The following RIMBP2 variants were observed in gnomAD, a reference collection of about 807,000 sequenced individuals.
RIMBP2 encodes the protein RIMS binding protein 2, also known as RIMS-binding protein 2.
Under a neutral mutation model 118.6 loss-of-function variants are expected in RIMBP2, and 48 were observed. The ratio of observed to expected loss-of-function variants is 0.40; its 90% CI spans 0.32 to 0.51. RIMBP2 has a LOEUF of 0.51. Ranked by LOEUF, RIMBP2 falls within the 20% of genes least tolerant of loss-of-function variation. The pLI, the probability that RIMBP2 is intolerant of heterozygous loss-of-function variation, is 0.41. For synonymous variants in RIMBP2, 762 were observed against 742.9 expected (o/e 1.03, Z -0.42); for missense variants, 1,551 against 1,768.3 (o/e 0.88, Z 2.20).
chr12:130,636,044 G>C (rs1162012830), intron 1 of RIMBP2, among the ~76,000 whole-genome samples: 1 of 152,098 alleles, frequency 6.6e-6, no homozygotes, highest in African/African-American at 2.4e-5. Context: ...AAGCCCTCAA[G>C]GTTCATCTCT....
chr12:130,664,866 G>A (rs1009088401), intron 1 of RIMBP2, among the ~76,000 whole-genome samples: 2 of 151,806 alleles, frequency 1.3e-5, no homozygotes, highest in Admixed American at 1.3e-4. Context: ...AATAAAGGGG[G>A]GCGGGGCAGG....
intron 7 of RIMBP2, among the ~76,000 whole-genome samples, chr12:130,455,848 A>G (rs56969190): frequency 0.45 from 68,960 of 151,806 alleles, 15,946 homozygotes; most frequent in African/African-American, 0.47. Flanking sequence ...ACCTTCAGCC[A>G]GGACGTAGCA....
intron 1 of RIMBP2, among the ~76,000 whole-genome samples, chr12:130,676,810 A>G (rs1320223929): frequency 6.6e-6 from 1 of 152,108 alleles, no homozygotes; most frequent in African/African-American, 2.4e-5. Context: ...TGTGGCCTGC[A>G]GGGAGAGGCA....
rs558147613 is a variant in RIMBP2, at chr12:130,424,297, C to T, written c.2974G>A (p.Gly992Ser). ...TTCCTGGGGGGCGGCCTCTCCGGGC[C>T]GGGCTGGGGGTCGTCGTTCCTGAGG... ...GLLRNDDPQP[G>S]PERPPPRKHG... The change falls in exon 16 of 23, where the codon GGC (glycine) becomes AGC (serine). Residue 992 changes from glycine (G) to serine (S), a missense_variant. This residue lies in a region of RIMBP2 where 1,038 missense variants were observed against 1,125.1 expected (regional missense o/e 0.92). Coordinates refer to ENST00000690449, the MANE Select transcript of RIMBP2 (RefSeq NM_001393629.1). This position sits in a 1 kb window ranked among gnomAD's most constrained non-coding sequence, Gnocchi z 9.8. The T allele has an allele frequency of 4.5e-5, 56 of 1,231,590 alleles. No individual in the cohort carries two copies. The highest frequency in any genetic ancestry group is 2.8e-4 in the East Asian group (9 of 31,614). The allele number at this position is 1,231,590 out of a possible 1,614,324, so 76.3% of individuals were successfully genotyped here. A position where few individuals can be genotyped will look rare whatever the true frequency, so the allele number is the denominator to read the frequency against.
At chr12:130,473,514 A>G (rs2081183856) in intron 5 of RIMBP2, among the ~76,000 whole-genome samples, 1 of 152,210 alleles carries the variant, frequency 6.6e-6, no homozygotes. Flanking sequence ...TGGATGGGGC[A>G]CAGAGCAATA....
chr12:130,630,772 T>C (rs11829509), intron 1 of RIMBP2, among the ~76,000 whole-genome samples: 2,213 of 152,264 alleles, frequency 0.015, 23 homozygotes, highest in South Asian at 0.071. Flanking sequence ...CAACAGAATG[T>C]CTTTAAAATT....
chr12:130,478,555 G>C (rs575571033), intron 5 of RIMBP2, among the ~76,000 whole-genome samples: 1 of 152,026 alleles, frequency 6.6e-6, no homozygotes, highest in Non-Finnish European at 1.5e-5. Context: ...GGGGTGGCAG[G>C]GTCACCTTCT....
chr12:130,652,455 C>T (rs2063266994), intron 1 of RIMBP2, among the ~76,000 whole-genome samples: 1 of 152,182 alleles, frequency 6.6e-6, no homozygotes. Flanking sequence ...AGTTTTGTTT[C>T]CCTCTTTGGT....
At chr12:130,657,611 C>G (rs1313038622) in intron 1 of RIMBP2, among the ~76,000 whole-genome samples, 2 of 152,068 alleles carry the variant, frequency 1.3e-5, no homozygotes, top group Admixed American at 6.5e-5. Flanking sequence ...GAGAAGTGAC[C>G]CGCAGAAGGG....
intron 1 of RIMBP2, among the ~76,000 whole-genome samples, chr12:130,650,966 A>T (rs1274254941): frequency 2.0e-5 from 3 of 148,878 alleles, no homozygotes; most frequent in African/African-American, 7.3e-5. Flanking sequence ...TTTAAAAAAA[A>T]AAAAAAAAAA....
chr12:130,404,748 T>C (rs918218273), intron 21 of RIMBP2, among the ~76,000 whole-genome samples: 1 of 152,144 alleles, frequency 6.6e-6, no homozygotes, highest in African/African-American at 2.4e-5. Flanking sequence ...AAAAGCTAAA[T>C]GTACATCTAA....
intron 2 of RIMBP2, among the ~76,000 whole-genome samples, chr12:130,536,996 T>C (rs1270523129): frequency 6.6e-6 from 1 of 152,096 alleles, no homozygotes; most frequent in African/African-American, 2.4e-5. Flanking sequence ...CTGTAACATA[T>C]CTGGCCAGTA....
chr12:130,544,812 C>G (rs1423844251), intron 2 of RIMBP2, among the ~76,000 whole-genome samples: 1 of 151,912 alleles, frequency 6.6e-6, no homozygotes, highest in Non-Finnish European at 1.5e-5. Flanking sequence ...AAGCTAGTCT[C>G]CAATTCCTGA....
At position 130,424,624 on chromosome 12, in the gene RIMBP2, A is replaced by G. The variant is rs1593246234; in HGVS notation, c.2647T>C (p.Trp883Arg). Residue 883 changes from tryptophan to arginine, a missense_variant, in exon 16 of 23, where the codon TGG (tryptophan) becomes CGG (arginine). Transcript: ENST00000690449. The surrounding 1 kb of genome is among the most constrained non-coding windows in gnomAD (Gnocchi z 9.8). ...YRGDEAPRGS[W>R]FPVKHRGSGA... ...GAGCCCCTGTGCTTCACCGGGAACCAGGAGCCCCGAGGGGCCTCGTCGCCC... is the reference window on the plus strand; with the variant it reads ...GAGCCCCTGTGCTTCACCGGGAACCGGGAGCCCCGAGGGGCCTCGTCGCCC... 8.1e-6 allele frequency: 10 copies of G among 1,231,794 alleles called. No individual in the cohort carries two copies. In the African/African-American group the frequency reaches 1.1e-4, roughly 13 times the overall value. 76.3% of individuals were successfully genotyped at this position (1,231,794 alleles called of 1,614,324 possible).
chr12:130,685,484 C>T (rs1594201419), intron 1 of RIMBP2, among the ~76,000 whole-genome samples: 1 of 152,294 alleles, frequency 6.6e-6, no homozygotes, highest in East Asian at 1.9e-4. Flanking sequence ...GCGCCGTTGC[C>T]CTATGATGTC....
chr12:130,633,910 T>A (rs2062172894), intron 1 of RIMBP2: 1 of 152,378 alleles, frequency 6.6e-6, no homozygotes, highest in Admixed American at 6.5e-5. Context: ...GAGCCTCGGA[T>A]GTTTGTGCTC....
Position 130,410,627 on chromosome 12 carries a change from G to A in RIMBP2, c.3589+1992C>T, listed in dbSNP as rs371247436. ...TGATTGAAAAGAGCATCCTTTCTCC[G>A]TTGAATTGCCTTTTTACCTTTGTCC... On this transcript the variant is annotated intron_variant, in intron 19 of 22. Coordinates refer to ENST00000690449, the MANE Select transcript of RIMBP2 (RefSeq NM_001393629.1). Among the ~76,000 whole-genome samples the A allele has an allele frequency of 6.6e-5, 10 of 152,260 alleles. No individual in the cohort carries two copies. In the South Asian group the frequency reaches 1.7e-3, roughly 25 times the overall value.
At chr12:130,461,469 G>T (rs1280542452) in intron 6 of RIMBP2, among the ~76,000 whole-genome samples, 1 of 152,182 alleles carries the variant, frequency 6.6e-6, no homozygotes. Context: ...AAAGCTTCTG[G>T]TTTCCCAGGA....
At position 130,580,207 on chromosome 12, in the gene RIMBP2, A is replaced by G. The variant is rs568344406; in HGVS notation, c.-217+48115T>C. 3.3e-5 allele frequency among the ~76,000 whole-genome samples: 5 copies of G among 151,950 alleles called. No individual in the cohort carries two copies. The East Asian group carries it at 9.7e-4, about 29-fold the overall frequency. On this transcript the variant is annotated intron_variant, in intron 2 of 22. Transcript: ENST00000690449. ...AGCAAGACTCCATTTAAAAAAAAAA[A>G]AAAAAGTAATATTGACCCCATATGG...
Sources: gnomAD v4.1 joint callset for allele counts (sites outside exome capture counted in the v4.1 genomes callset) on GRCh38, gnomAD v4.1.1 for gene constraint, gnomAD v4.1.1 regional missense constraint, Gnocchi (gnomAD v3.1) non-coding constraint, MANE v1.5 for transcripts, NCBI Gene and HGNC (gene_info 2026-07-23, HGNC 2026-07-21) for gene names.